Variants in ENPP2 observed in about 807,000 individuals in gnomAD.
ENPP2 encodes the protein ectonucleotide pyrophosphatase/phosphodiesterase 2, also known as autotaxin.
In ENPP2, 51 loss-of-function variants were observed where a neutral mutation model predicts 120.2. That is an observed-to-expected ratio of 0.42 (90% CI 0.34 to 0.54). The LOEUF is 0.54. Ranked by LOEUF, ENPP2 falls within the 20% of genes least tolerant of loss-of-function variation. ENPP2 has a pLI of 0.04. For missense variants in ENPP2, 920 were observed against 1,066.5 expected, an observed-to-expected ratio of 0.86 and a Z score of 1.91; for synonymous variants, 365 against 366.4, an observed-to-expected ratio of 1.00 and a Z score of 0.04.
intron 2 of ENPP2, among the ~76,000 whole-genome samples, chr8:119,630,115 T>C (rs1043013800): frequency 2.7e-5 from 4 of 147,178 alleles, no homozygotes; most frequent in Admixed American, 1.3e-4. Flanking sequence ...ATTTCTTTCT[T>C]TTTTTTTTTT....
Position 119,638,802 on chromosome 8 carries a change from T to C in ENPP2, c.-22A>G, listed in dbSNP as rs754434175. ...CCATGTCGAGGATTCTTGGAAAGCCTTTTGCAGCGTGTTCTCTTTGCCTTC... is the reference window on the plus strand; with the variant it reads ...CCATGTCGAGGATTCTTGGAAAGCCCTTTGCAGCGTGTTCTCTTTGCCTTC... On this transcript the variant is annotated 5_prime_UTR_variant, in exon 1 of 25. Coordinates refer to ENST00000075322, the MANE Select transcript of ENPP2 (RefSeq NM_001040092.3). 6.2e-7 allele frequency: 1 copy of C among 1,613,686 alleles called. No individual in the cohort carries two copies. Among genetic ancestry groups the C allele is most frequent in the Non-Finnish European group, 8.5e-7 (1 of 1,179,578 alleles).
chr8:119,657,575 G>A (rs939603013), intron 1 of ENPP2, among the ~76,000 whole-genome samples: 8 of 150,964 alleles, frequency 5.3e-5, no homozygotes, highest in African/African-American at 7.4e-5. Context: ...TTAGCGATGC[G>A]GTCAACATGA....
intron 2 of ENPP2, among the ~76,000 whole-genome samples, chr8:119,636,107 T>G (rs1816983863): frequency 6.6e-6 from 1 of 152,190 alleles, no homozygotes; most frequent in Non-Finnish European, 1.5e-5. Context: ...AAAAATGTTG[T>G]TGGAAATAGG....
chr8:119,649,327 G>A (rs1817562360), intron 1 of ENPP2, among the ~76,000 whole-genome samples: 1 of 151,306 alleles, frequency 6.6e-6, no homozygotes, highest in Non-Finnish European at 1.5e-5. Flanking sequence ...GCGTGAACCT[G>A]GGAGGCGGAG....
At chr8:119,655,052 G>T (rs1367253073) in intron 1 of ENPP2, among the ~76,000 whole-genome samples, 1 of 152,174 alleles carries the variant, frequency 6.6e-6, no homozygotes, top group East Asian at 1.9e-4. Flanking sequence ...AACAGAGAGA[G>T]AAAGAAAATA....
rs576900402 is a variant in ENPP2, at chr8:119,591,989, A to G, written c.1082-1359T>C. 3.9e-5 allele frequency among the ~76,000 whole-genome samples: 6 copies of G among 152,298 alleles called. No homozygotes were observed. The East Asian group carries it at 1.2e-3, about 29-fold the overall frequency. ...TTACTTTTGAAGTCCATCAGGCACT[A>G]TGCTAAGTGCTCCTCAAGCGTCATC... On this transcript the variant is annotated intron_variant, in intron 12 of 24. Coordinates refer to ENST00000075322, the MANE Select transcript of ENPP2 (RefSeq NM_001040092.3).
At chr8:119,669,270 TAGA>T (rs752862442) in intron 1 of ENPP2, among the ~76,000 whole-genome samples, 7 of 151,982 alleles carry the variant, frequency 4.6e-5, no homozygotes, top group African/African-American at 1.2e-4. Context: ...TTTTCTAATC[TAGA>T]AGAAGATCAC....
intron 24 of ENPP2, 69 bp from the exon 25 acceptor site, chr8:119,557,760 C>T (rs888211828): frequency 1.5e-6 from 2 of 1,360,620 alleles, no homozygotes; most frequent in Non-Finnish European, 2.0e-6. Context: ...GGTCAGTTTA[C>T]TCCAAGTCCA....
chr8:119,620,214 G>A (rs1815788535), intron 4 of ENPP2, among the ~76,000 whole-genome samples: 2 of 152,134 alleles, frequency 1.3e-5, no homozygotes, highest in Admixed American at 6.6e-5. Flanking sequence ...AAAAGCCAAT[G>A]CTTAATGATT....
chr8:119,613,974 G>C (rs753707178), intron 8 of ENPP2, among the ~76,000 whole-genome samples: 2 of 149,654 alleles, frequency 1.3e-5, no homozygotes, highest in Non-Finnish European at 3.0e-5. Flanking sequence ...TAATAGAATA[G>C]AACAATACTT....
chr8:119,557,959 T>C (rs1440572508), intron 24 of ENPP2, among the ~76,000 whole-genome samples: 1 of 152,184 alleles, frequency 6.6e-6, no homozygotes, highest in Non-Finnish European at 1.5e-5. Context: ...TTTGACTCAA[T>C]AGGTTCTCAG....
chr8:119,668,109 G>A (rs1398134267), intron 1 of ENPP2, among the ~76,000 whole-genome samples: 1 of 152,072 alleles, frequency 6.6e-6, no homozygotes. Context: ...GTGGTTTCAC[G>A]AGGACCTAAG....
chr8:119,618,784 C>T (rs1815665272), intron 5 of ENPP2, among the ~76,000 whole-genome samples: 2 of 151,918 alleles, frequency 1.3e-5, no homozygotes, highest in Admixed American at 1.3e-4. Context: ...ATATGCCCGC[C>T]TCAGCCTCCC....
intron 1 of ENPP2, among the ~76,000 whole-genome samples, chr8:119,672,918 C>A (rs1818293709): frequency 6.6e-6 from 1 of 152,242 alleles, no homozygotes; most frequent in Admixed American, 6.5e-5. Flanking sequence ...GCTTGCAGTG[C>A]CCTGCGGCTG....
At chr8:119,662,162 G>C (rs1817938638) in intron 1 of ENPP2, among the ~76,000 whole-genome samples, 1 of 152,042 alleles carries the variant, frequency 6.6e-6, no homozygotes, top group Admixed American at 6.6e-5. Context: ...CTTGAAAATT[G>C]CTAAGGGAAC....
chr8:119,592,473 C>CAAAAAAAAAAAA (rs61330053), intron 12 of ENPP2, among the ~76,000 whole-genome samples: 15 of 54,884 alleles, frequency 2.7e-4, no homozygotes, highest in East Asian at 5.2e-4. Flanking sequence ...AACTCCACCT[C>CAAAAAAAAAAAA]AAAAAAAAAA....
At chr8:119,627,819 A>G (rs552218978) in intron 2 of ENPP2, among the ~76,000 whole-genome samples, 37 of 151,368 alleles carry the variant, frequency 2.4e-4, no homozygotes, top group African/African-American at 8.9e-4. Flanking sequence ...CAGAGATCGC[A>G]CTATTGCACT....
chr8:119,600,601 C>A, intron 11 of ENPP2, 77 bp downstream of exon 11: 1 of 900,290 alleles, frequency 1.1e-6, no homozygotes, highest in East Asian at 2.5e-5. Flanking sequence ...AGACTTTATA[C>A]AATTCCTGAA....
At chr8:119,656,155 G>T (rs1008439829) in intron 1 of ENPP2, among the ~76,000 whole-genome samples, 2 of 152,110 alleles carry the variant, frequency 1.3e-5, no homozygotes, top group Non-Finnish European at 1.5e-5. Context: ...AAAATATTTT[G>T]CAAAAGATGA....
Sources: allele counts gnomAD v4.1 joint callset (sites outside exome capture counted in the v4.1 genomes callset), GRCh38; gene constraint gnomAD v4.1.1; transcripts MANE v1.5; gene names NCBI Gene and HGNC (gene_info 2026-07-23, HGNC 2026-07-21).